CPVL: variants seen among roughly 807,000 people sequenced by gnomAD.
CPVL encodes the protein carboxypeptidase vitellogenic like.
A neutral mutation model predicts 63.7 loss-of-function variants in CPVL; 51 were observed. That is an observed-to-expected ratio of 0.80 (90% confidence interval 0.64 to 1.01). CPVL has a LOEUF of 1.01. CPVL is among the 50% of genes least tolerant of loss of function. The probability of loss-of-function intolerance (pLI) is 0.00; values close to 1 mark genes in which losing one functional copy is unlikely to be tolerated. For synonymous variants in CPVL, 195 were observed against 206.0 expected, an observed-to-expected ratio of 0.95 and a Z score of 0.46; for missense variants, 530 against 573.1, an observed-to-expected ratio of 0.92 and a Z score of 0.77.
intron 11 of CPVL, among the ~76,000 whole-genome samples, chr7:29,036,347 G>A (rs376763025): frequency 3.3e-4 from 50 of 152,326 alleles, no homozygotes; most frequent in African/African-American, 1.2e-3. Flanking sequence ...TAAGAGGTCA[G>A]TGAGTATTAG....
intron 5 of CPVL, among the ~76,000 whole-genome samples, chr7:29,158,410 A>G (rs1056858290): frequency 1.3e-5 from 2 of 152,210 alleles, no homozygotes; most frequent in African/African-American, 4.8e-5. Flanking sequence ...TCCATAACCA[A>G]AGAAAACTAG....
At chr7:29,044,634 G>T (rs1789442349) in intron 11 of CPVL, among the ~76,000 whole-genome samples, 2 of 152,126 alleles carry the variant, frequency 1.3e-5, no homozygotes, top group Non-Finnish European at 2.9e-5. Flanking sequence ...GAATAAAGAT[G>T]GAGTAGCCAC....
intron 5 of CPVL, among the ~76,000 whole-genome samples, chr7:29,157,915 A>C (rs1344427763): frequency 6.6e-6 from 1 of 152,058 alleles, no homozygotes; most frequent in African/African-American, 2.4e-5. Flanking sequence ...CTTTCATTTT[A>C]CTCTTCCTTA....
chr7:29,105,549 G>A (rs1272957654), intron 3 of CPVL, among the ~76,000 whole-genome samples: 1 of 152,212 alleles, frequency 6.6e-6, no homozygotes, highest in Non-Finnish European at 1.5e-5. Flanking sequence ...CAGACCACAT[G>A]TCCAGCCCTT....
chr7:29,094,787 C>G (rs537395808), intron 5 of CPVL, among the ~76,000 whole-genome samples: 1 of 151,492 alleles, frequency 6.6e-6, no homozygotes, highest in Non-Finnish European at 1.5e-5. Flanking sequence ...CAGGTTGAAC[C>G]GGGGAGGCGG....
intron 3 of CPVL, among the ~76,000 whole-genome samples, chr7:29,102,729 G>A (rs1022897024): frequency 6.6e-6 from 1 of 151,832 alleles, no homozygotes; most frequent in Non-Finnish European, 1.5e-5. Flanking sequence ...AAGCCCTTTC[G>A]ATTCTTCTGG....
intron 7 of CPVL, among the ~76,000 whole-genome samples, chr7:29,075,418 G>T (rs1011858154): frequency 2.0e-5 from 3 of 151,366 alleles, no homozygotes; most frequent in African/African-American, 7.3e-5. Context: ...TCACATGCCT[G>T]GCTGGAATTC....
chr7:29,011,188 C>T (rs965200327), intron 12 of CPVL: 1 of 152,204 alleles, frequency 6.6e-6, no homozygotes, highest in Non-Finnish European at 1.5e-5. Flanking sequence ...ATTCAAATAG[C>T]CTAATGCATG....
intron 1 of CPVL, chr7:29,145,954 C>T (rs935977004): frequency 6.6e-6 from 1 of 152,172 alleles, no homozygotes; most frequent in Non-Finnish European, 1.5e-5. Context: ...GCCAAGTTTC[C>T]CTGCTTTGGG....
chr7:29,091,242 T>C (rs1336556174), intron 6 of CPVL, among the ~76,000 whole-genome samples: 1 of 152,202 alleles, frequency 6.6e-6, no homozygotes, highest in Non-Finnish European at 1.5e-5. Flanking sequence ...AACTGGAAGC[T>C]GTAACTGTCT....
At chr7:29,109,268 AG>A (rs1039411378) in intron 3 of CPVL, among the ~76,000 whole-genome samples, 5 of 152,360 alleles carry the variant, frequency 3.3e-5, no homozygotes, top group African/African-American at 1.2e-4. Flanking sequence ...ATACAATAAC[AG>A]GGCAGTCTCA....
chr7:29,004,787 A>G (rs544720467), intron 12 of CPVL, among the ~76,000 whole-genome samples: 30 of 152,324 alleles, frequency 2.0e-4, no homozygotes, highest in Middle Eastern at 3.4e-3. Context: ...GGGTCAGGCA[A>G]TCTGGAATGG....
chr7:29,112,164 CAT>C (rs1788301155), intron 3 of CPVL, among the ~76,000 whole-genome samples: 1 of 152,180 alleles, frequency 6.6e-6, no homozygotes, highest in Non-Finnish European at 1.5e-5. Flanking sequence ...TCTAAAGATC[CAT>C]AGAGTCTGAG....
chr7:29,133,248 G>A (rs1331788618), intron 1 of CPVL, among the ~76,000 whole-genome samples: 16 of 149,154 alleles, frequency 1.1e-4, no homozygotes, highest in Non-Finnish European at 3.0e-5. Flanking sequence ...TCTGACTTCT[G>A]TGCATATCAT....
At chr7:29,038,009 T>C (rs1273749007) in intron 11 of CPVL, among the ~76,000 whole-genome samples, 1 of 152,214 alleles carries the variant, frequency 6.6e-6, no homozygotes, top group Non-Finnish European at 1.5e-5. Flanking sequence ...CCAATGTTTT[T>C]ATTGCTCTTT....
chr7:29,056,953 T>TC (rs796153956), intron 11 of CPVL, among the ~76,000 whole-genome samples: 8 of 144,986 alleles, frequency 5.5e-5, no homozygotes, highest in East Asian at 2.0e-4. Flanking sequence ...CCTTTTCTTT[T>TC]TTTTTTTTTT....
At chr7:29,164,409 T>C (rs1398984257) in intron 5 of CPVL, among the ~76,000 whole-genome samples, 3 of 152,198 alleles carry the variant, frequency 2.0e-5, no homozygotes, top group Non-Finnish European at 4.4e-5. Context: ...AAATATATAT[T>C]TTGCAGATAA....
At chr7:29,119,042 C>T (rs887828160) in intron 2 of CPVL, among the ~76,000 whole-genome samples, 1 of 152,226 alleles carries the variant, frequency 6.6e-6, no homozygotes, top group African/African-American at 2.4e-5. Flanking sequence ...CCCAGTGCTC[C>T]CTCCAGCCAC....
At chr7:29,090,581 C>T (rs569206603) in intron 6 of CPVL, among the ~76,000 whole-genome samples, 1 of 152,184 alleles carries the variant, frequency 6.6e-6, no homozygotes, top group Non-Finnish European at 1.5e-5. Context: ...CTGCTTACTA[C>T]TGTCTCACCA....
Sources: gnomAD v4.1 joint callset for allele counts (sites outside exome capture counted in the v4.1 genomes callset) on GRCh38, gnomAD v4.1.1 for gene constraint, MANE v1.5 for transcripts, NCBI Gene and HGNC (gene_info 2026-07-23, HGNC 2026-07-21) for gene names.